CDH6: variants seen among roughly 807,000 people sequenced by gnomAD.
The protein encoded by CDH6 is cadherin 6.
In CDH6, 31 loss-of-function variants were observed where a neutral mutation model predicts 78.0. The ratio of observed to expected loss-of-function variants is 0.40; its 90% confidence interval spans 0.30 to 0.54. CDH6 has a LOEUF of 0.54. Ranked by LOEUF, CDH6 falls within the 20% of genes least tolerant of loss-of-function variation. The probability of loss-of-function intolerance (pLI) is 0.56; values close to 1 mark genes in which losing one functional copy is unlikely to be tolerated. For synonymous variants in CDH6, 376 were observed against 368.8 expected (o/e 1.02, Z -0.23); for missense variants, 724 against 975.9 (o/e 0.74, Z 3.44).
rs1399581341 is a variant in CDH6 at position 31,193,740 on chromosome 5, G to T, written c.-275G>T. ...TGCCCACAAGAGCCAGCTCTCCCGA[G>T]CCCGTAACCTTCGCATCCCAAGAGC... is the stretch of plus-strand genomic sequence containing the variant. On this transcript the variant is annotated 5_prime_UTR_variant, in exon 1 of 12. Transcript: ENST00000265071. The T allele has an allele frequency of 6.6e-6, 1 of 152,638 alleles. No homozygotes were observed. Among genetic ancestry groups the T allele is most frequent in the African/African-American group, 2.4e-5 (1 of 41,428 alleles). 9.5% of individuals were successfully genotyped at this position (152,638 alleles called of 1,614,324 possible).
intron 2 of CDH6, among the ~76,000 whole-genome samples, chr5:31,285,982 A>G (rs1305825138): frequency 6.6e-6 from 1 of 152,226 alleles, no homozygotes; most frequent in Non-Finnish European, 1.5e-5. Context: ...TCAGGAACGT[A>G]TATTTTTGAT....
intron 2 of CDH6, among the ~76,000 whole-genome samples, chr5:31,281,492 T>A (rs1158429202): frequency 6.6e-6 from 1 of 152,140 alleles, no homozygotes; most frequent in African/African-American, 2.4e-5. Context: ...TCAGCTTGAT[T>A]TACCACTGGC....
At chr5:31,205,088 A>G (rs1740478548) in intron 1 of CDH6, among the ~76,000 whole-genome samples, 1 of 152,202 alleles carries the variant, frequency 6.6e-6, no homozygotes, top group South Asian at 2.1e-4. Context: ...TCACTTTGCC[A>G]ACTCAAGATG....
At chr5:31,254,296 G>A (rs1441477488) in intron 1 of CDH6, among the ~76,000 whole-genome samples, 1 of 152,180 alleles carries the variant, frequency 6.6e-6, no homozygotes. Flanking sequence ...AAGTTGTAAA[G>A]TGCTTCCTTT....
intron 1 of CDH6, among the ~76,000 whole-genome samples, chr5:31,225,298 C>A (rs925028113): frequency 6.6e-6 from 1 of 152,208 alleles, no homozygotes; most frequent in Non-Finnish European, 1.5e-5. Context: ...CTGACATCAT[C>A]CCTCAGAGTC....
intron 1 of CDH6, among the ~76,000 whole-genome samples, chr5:31,235,233 T>TTTC (rs1162468369): frequency 1.7e-5 from 1 of 58,572 alleles, no homozygotes; most frequent in Admixed American, 2.8e-4. Flanking sequence ...TCTATTCCTT[T>TTTC]TTCTTTTTTT....
intron 1 of CDH6, among the ~76,000 whole-genome samples, chr5:31,212,872 T>A (rs1740754345): frequency 6.6e-6 from 1 of 152,186 alleles, no homozygotes; most frequent in South Asian, 2.1e-4. Flanking sequence ...TTGAAGCTGC[T>A]TTTCTAGCCC....
chr5:31,235,593 T>A (rs1356674901), intron 1 of CDH6, among the ~76,000 whole-genome samples: 2 of 152,230 alleles, frequency 1.3e-5, no homozygotes, highest in Non-Finnish European at 2.9e-5. Context: ...ATGTTATGCA[T>A]GACTTACTAC....
chr5:31,200,639 A>G (rs977912626), intron 1 of CDH6, among the ~76,000 whole-genome samples: 3 of 151,392 alleles, frequency 2.0e-5, no homozygotes, highest in African/African-American at 7.3e-5. Context: ...CAATCGCCAC[A>G]AAAGCAAGGA....
chr5:31,211,698 G>T (rs1740711312), intron 1 of CDH6, among the ~76,000 whole-genome samples: 1 of 152,082 alleles, frequency 6.6e-6, no homozygotes, highest in Admixed American at 6.6e-5. Context: ...TGGTTGTGAT[G>T]TATGCCACAC....
intron 1 of CDH6, among the ~76,000 whole-genome samples, chr5:31,262,934 T>A (rs975096199): frequency 1.3e-5 from 2 of 152,202 alleles, no homozygotes; most frequent in African/African-American, 4.8e-5. Flanking sequence ...CTTGAACGTA[T>A]GACCGTTCTG....
chr5:31,204,891 A>T (rs2111785046), intron 1 of CDH6, among the ~76,000 whole-genome samples: 1 of 152,350 alleles, frequency 6.6e-6, no homozygotes, highest in East Asian at 1.9e-4. Flanking sequence ...GAGTTTGTCA[A>T]GTACTTTCCA....
At chr5:31,212,357 T>C (rs1740731331) in intron 1 of CDH6, among the ~76,000 whole-genome samples, 1 of 152,142 alleles carries the variant, frequency 6.6e-6, no homozygotes, top group African/African-American at 2.4e-5. Flanking sequence ...TTTAAAAAAT[T>C]TTTCATTAAT....
At chr5:31,292,265 G>A (rs1737394708) in intron 2 of CDH6, among the ~76,000 whole-genome samples, 1 of 152,118 alleles carries the variant, frequency 6.6e-6, no homozygotes, top group Non-Finnish European at 1.5e-5. Flanking sequence ...AAACAAGACA[G>A]GGAAAACTAA....
intron 2 of CDH6, among the ~76,000 whole-genome samples, chr5:31,284,176 A>C (rs571727218): frequency 6.6e-6 from 1 of 152,324 alleles, no homozygotes; most frequent in Non-Finnish European, 1.5e-5. Flanking sequence ...GCCAACCAAA[A>C]TAAAACTCAC....
intron 1 of CDH6, among the ~76,000 whole-genome samples, chr5:31,204,500 T>C (rs2111784053): frequency 6.6e-6 from 1 of 152,272 alleles, no homozygotes; most frequent in East Asian, 1.9e-4. Context: ...TTCTATGTGG[T>C]GGGCAGAGAA....
At chr5:31,239,994 G>C (rs1316921586) in intron 1 of CDH6, among the ~76,000 whole-genome samples, 1 of 152,146 alleles carries the variant, frequency 6.6e-6, no homozygotes, top group Non-Finnish European at 1.5e-5. Context: ...TTTATTACCT[G>C]TGAATTTTTC....
At chr5:31,253,980 A>G (rs1208687427) in intron 1 of CDH6, among the ~76,000 whole-genome samples, 1 of 152,224 alleles carries the variant, frequency 6.6e-6, no homozygotes, top group African/African-American at 2.4e-5. Context: ...AGTCGACCAC[A>G]GTCCAAAAAT....
chr5:31,275,640 T>G (rs929769685), intron 2 of CDH6, among the ~76,000 whole-genome samples: 4 of 152,226 alleles, frequency 2.6e-5, no homozygotes, highest in Non-Finnish European at 4.4e-5. Context: ...GTCTTTGCTA[T>G]TGTGAATAAT....
Sources: gnomAD v4.1 joint callset for allele counts (sites outside exome capture counted in the v4.1 genomes callset) on GRCh38, gnomAD v4.1.1 for gene constraint, MANE v1.5 for transcripts, NCBI Gene and HGNC (gene_info 2026-07-23, HGNC 2026-07-21) for gene names.